The following SPP2 variants were observed in gnomAD, a reference collection of about 807,000 sequenced individuals.
The protein encoded by SPP2 is secreted phosphoprotein 24.
SPP2 carries 34 observed loss-of-function variants against 28.8 expected under a neutral mutation model. The observed-to-expected ratio is 1.18, with a 90% CI of 0.90 to 1.57. The LOEUF (loss-of-function observed/expected upper bound fraction) is 1.57, where lower values mean the gene tolerates loss of function less well. SPP2 is among the 40% of genes most tolerant of loss of function. SPP2 has a pLI of 0.00. For synonymous variants in SPP2, 96 were observed against 89.4 expected (o/e 1.07, Z -0.42); for missense variants, 269 against 263.9 (o/e 1.02, Z -0.13).
intron 2 of SPP2, among the ~76,000 whole-genome samples, chr2:234,052,476 A>G (rs1459438312): frequency 6.6e-6 from 1 of 152,208 alleles, no homozygotes; most frequent in Non-Finnish European, 1.5e-5. Context: ...TCCCAAGAGA[A>G]CCAATTACTG....
chr2:234,060,153 A>G (rs1693689533), intron 3 of SPP2, among the ~76,000 whole-genome samples: 1 of 152,154 alleles, frequency 6.6e-6, no homozygotes, highest in Non-Finnish European at 1.5e-5. Flanking sequence ...TTTCCTAGAG[A>G]CTTGTAATGG....
chr2:234,058,972 G>C lies in SPP2; in HGVS notation c.333+14G>C, dbSNP rs1401884384. ...GACTACTATGTGGTAAGTGGGAGGA[G>C]ACCCATCCCAGAAATGAACAAAAGG... On this transcript the variant is annotated intron_variant, in intron 3 of 7. Transcript: ENST00000168148. 2.5e-6 allele frequency: 4 copies of C among 1,605,040 alleles called. No homozygotes were observed. In the Admixed American group the frequency reaches 5.2e-5, roughly 21 times the overall value.
chr2:234,052,950 C>T (rs1312066589), intron 2 of SPP2, among the ~76,000 whole-genome samples: 1 of 152,152 alleles, frequency 6.6e-6, no homozygotes, highest in East Asian at 1.9e-4. Flanking sequence ...TACCAATTCT[C>T]TCTACCCTAG....
At chr2:234,057,174 G>A (rs908930147) in intron 2 of SPP2, among the ~76,000 whole-genome samples, 1 of 152,104 alleles carries the variant, frequency 6.6e-6, no homozygotes. Flanking sequence ...TGTTTACCTT[G>A]CAGCAGCCAC....
intron 6 of SPP2, among the ~76,000 whole-genome samples, chr2:234,067,530 C>T (rs28903706): frequency 0.024 from 3,684 of 152,210 alleles, 141 homozygotes; most frequent in African/African-American, 0.084. Flanking sequence ...GTAATCCCAG[C>T]ACTTTGGGAG....
chr2:234,054,595 A>G (rs1693569168), intron 2 of SPP2, among the ~76,000 whole-genome samples: 1 of 152,038 alleles, frequency 6.6e-6, no homozygotes, highest in African/African-American at 2.4e-5. Context: ...GAGCTAGCTG[A>G]CTCTCCAGCC....
chr2:234,051,187 A>C, intron 2 of SPP2, 92 bp downstream of exon 2: 1 of 1,506,084 alleles, frequency 6.6e-7, no homozygotes, highest in Non-Finnish European at 9.0e-7. Context: ...AATTTTCTCC[A>C]GTTTAAAAAT....
At chr2:234,059,819 C>A (rs997228036) in intron 3 of SPP2, among the ~76,000 whole-genome samples, 3 of 152,198 alleles carry the variant, frequency 2.0e-5, no homozygotes, top group Admixed American at 2.0e-4. Context: ...AGTCAACACC[C>A]ATGGGCAATA....
intron 7 of SPP2, among the ~76,000 whole-genome samples, chr2:234,070,453 A>G (rs1341199393): frequency 6.6e-6 from 1 of 151,868 alleles, no homozygotes; most frequent in African/African-American, 2.4e-5. Flanking sequence ...TGTGTACTTT[A>G]TTTATTATTT....
chr2:234,056,710 T>G (rs1250497099), intron 2 of SPP2, among the ~76,000 whole-genome samples: 1 of 152,162 alleles, frequency 6.6e-6, no homozygotes, highest in Non-Finnish European at 1.5e-5. Flanking sequence ...GATTTTTATT[T>G]TTTAATTTTT....
At chr2:234,068,698 A>G (rs1436652696) in intron 6 of SPP2, among the ~76,000 whole-genome samples, 1 of 142,146 alleles carries the variant, frequency 7.0e-6, no homozygotes, top group Admixed American at 7.2e-5. Flanking sequence ...TTCAGAATCC[A>G]TGGCTTTTTT....
At chr2:234,053,985 A>T (rs1008130785) in intron 2 of SPP2, among the ~76,000 whole-genome samples, 1 of 152,158 alleles carries the variant, frequency 6.6e-6, no homozygotes, top group Non-Finnish European at 1.5e-5. Flanking sequence ...AACCAAATTC[A>T]TTTCCAATAG....
Position 234,060,473 on chromosome 2 carries a change from C to T in SPP2, c.438C>T (p.Ser146=), listed in dbSNP as rs748604950. 46 of 1,613,002 alleles carry T rather than the reference C, an allele frequency of 2.9e-5. No individual in the cohort carries two copies. Among genetic ancestry groups the T allele is most frequent in the Admixed American group, 1.0e-4 (6 of 59,940 alleles). The change falls in exon 4 of 8, where the codon AGC becomes AGT. Residue 146 remains serine (S), a synonymous_variant. Coordinates refer to ENST00000168148, the MANE Select transcript of SPP2 (RefSeq NM_006944.3). ...CCTCCACGTCTGAGTCTTACAGCAGCGAAGAGGTATGACTGGGGCCTTGTC... is the reference window on the plus strand; with the variant it reads ...CCTCCACGTCTGAGTCTTACAGCAGTGAAGAGGTATGACTGGGGCCTTGTC... ...WSSSTSESYS[S]EEMIFGDMLG... is the part of the protein sequence containing the mutation.
chr2:234,050,783 A>C lies in SPP2; in HGVS notation c.-4A>C. The stretch of plus-strand genomic sequence containing the variant: ...GAGACACTCTCTGTCTCTCGATTAC[A>C]ATCATGATTTCCAGAATGGAGAAGA... On this transcript the variant is annotated 5_prime_UTR_variant, in exon 1 of 8. Transcript: ENST00000168148. 2.5e-6 allele frequency: 4 copies of C among 1,613,648 alleles called. No homozygotes were observed. The highest frequency in any genetic ancestry group is 3.4e-6 in the Non-Finnish European group (4 of 1,179,596).
At chr2:234,067,150 C>A in intron 5 of SPP2, 74 bp from the exon 6 acceptor site, 1 of 1,340,452 alleles carries the variant, frequency 7.5e-7, no homozygotes, top group Non-Finnish European at 1.1e-6. Flanking sequence ...ATATTTGTGG[C>A]ATTAACAGTA....
At chr2:234,063,693 A>G (rs1488280767) in intron 4 of SPP2, among the ~76,000 whole-genome samples, 1 of 152,218 alleles carries the variant, frequency 6.6e-6, no homozygotes, top group African/African-American at 2.4e-5. Context: ...AGGCCCCATC[A>G]GGAGTACGAT....
At chr2:234,060,770 C>T (rs556113153) in intron 4 of SPP2, among the ~76,000 whole-genome samples, 5 of 151,740 alleles carry the variant, frequency 3.3e-5, no homozygotes, top group African/African-American at 7.2e-5. Flanking sequence ...CATGCACACA[C>T]GCACACATAC....
chr2:234,052,606 C>T lies in SPP2; in HGVS notation c.210+1511C>T, dbSNP rs567532219. On this transcript the variant is annotated intron_variant, in intron 2 of 7. Coordinates refer to ENST00000168148, the MANE Select transcript of SPP2 (RefSeq NM_006944.3). Reference sequence around the variant, plus strand: ...AGACTTGAGCCCAGACGCACATGCACCTAAAAATAGATACAATTATATGCG... The same window carrying T: ...AGACTTGAGCCCAGACGCACATGCATCTAAAAATAGATACAATTATATGCG... 1.5e-3 allele frequency among the ~76,000 whole-genome samples: 227 copies of T among 152,206 alleles called. 1 individual carries two copies. The highest frequency in any genetic ancestry group is 5.1e-3 in the African/African-American group (213 of 41,526).
intron 4 of SPP2, among the ~76,000 whole-genome samples, chr2:234,063,277 C>T (rs1280108146): frequency 6.6e-6 from 1 of 151,770 alleles, no homozygotes; most frequent in African/African-American, 2.4e-5. Context: ...GAAAAAAACT[C>T]CCAGAGTAAT....
Sources: gnomAD v4.1 joint callset for allele counts (sites outside exome capture counted in the v4.1 genomes callset) on GRCh38, gnomAD v4.1.1 for gene constraint, MANE v1.5 for transcripts, NCBI Gene and HGNC (gene_info 2026-07-23, HGNC 2026-07-21) for gene names.